The following HNRNPAB variants were observed in gnomAD, a reference collection of about 807,000 sequenced individuals.
HNRNPAB encodes the protein heterogeneous nuclear ribonucleoprotein A/B, also known as ABBP-1.
HNRNPAB carries 17 observed loss-of-function variants against 44.1 expected under a neutral mutation model. That is an observed-to-expected ratio of 0.39 (90% CI 0.26 to 0.58). The LOEUF (loss-of-function observed/expected upper bound fraction) is 0.58. Among genes scored for constraint, HNRNPAB ranks in the 20% least tolerant of loss-of-function variants. The pLI is 0.63. For missense variants in HNRNPAB, 393 were observed against 432.7 expected, an observed-to-expected ratio of 0.91 and a Z score of 0.81; for synonymous variants, 183 against 167.6, an observed-to-expected ratio of 1.09 and a Z score of -0.71.
intron 6 of HNRNPAB, 65 bp downstream of exon 6, chr5:178,209,512 C>T: frequency 2.9e-6 from 4 of 1,388,044 alleles, no homozygotes; most frequent in South Asian, 1.2e-5. Flanking sequence ...CCAAGCCTGT[C>T]TTGGGGCTCC....
At position 178,204,626 on chromosome 5, in the gene HNRNPAB, T is replaced by C. The variant is rs1202804479; in HGVS notation, c.-138T>C. On this transcript the variant is annotated 5_prime_UTR_variant, in exon 1 of 8. Coordinates refer to ENST00000358344, the MANE Select transcript of HNRNPAB (RefSeq NM_031266.3). ...GAGGAGGAGACACAGTTGGAGCAGC[T>C]CCGTGGGCTGACTGGGGCGAGGCCT... 1 of 283,522 alleles carries C rather than the reference T, an allele frequency of 3.5e-6. No individual in the cohort carries two copies. The highest frequency in any genetic ancestry group is 6.5e-6 in the Non-Finnish European group (1 of 153,798). 17.6% of individuals were successfully genotyped at this position (283,522 alleles called of 1,614,324 possible).
intron 5 of HNRNPAB, among the ~76,000 whole-genome samples, chr5:178,207,761 A>G (rs573864395): frequency 2.3e-3 from 317 of 140,548 alleles, no homozygotes; most frequent in Non-Finnish European, 4.0e-3. Flanking sequence ...GGGGTGCGGT[A>G]ACACAATCAT....
In HNRNPAB at chr5:178,204,863, C is replaced by A. The variant is rs1756979218; in HGVS notation, c.26C>A (p.Pro9His). ...ATGTCGGAAGCGGGCGAGGAGCAGC[C>A]CATGGAGACGACGGGCGCCACCGAG... MSEAGEEQ[P>H]METTGATENG... Residue 9 changes from proline (P) to histidine (H), a missense_variant, in exon 2 of 8, where the codon CCC (proline) becomes CAC (histidine). By Grantham distance (77) the Pro-to-His change is moderately conservative. Transcript: ENST00000358344. 8.6e-7 allele frequency: 1 copy of A among 1,163,214 alleles called. No homozygotes were observed. Among genetic ancestry groups the A allele is most frequent in the Non-Finnish European group, 1.0e-6 (1 of 954,744 alleles). The allele number at this position is 1,163,214 out of a possible 1,614,324, so 72.1% of individuals were successfully genotyped here.
intron 5 of HNRNPAB, 77 bp downstream of exon 5, chr5:178,207,302 G>GC: frequency 6.4e-7 from 1 of 1,550,782 alleles, no homozygotes. Context: ...TAGGGGTTGG[G>GC]CCTCATGCAG....
intron 4 of HNRNPAB, 35 bp from the exon 5 acceptor site, chr5:178,207,059 G>T: frequency 1.9e-6 from 3 of 1,612,500 alleles, no homozygotes; most frequent in Non-Finnish European, 1.7e-6. Context: ...GGGGTAGGGA[G>T]GTATTGGGCC....
At chr5:178,207,060 G>A (rs1757096440) in intron 4 of HNRNPAB, 34 bp from the exon 5 acceptor site, 2 of 1,612,774 alleles carry the variant, frequency 1.2e-6, no homozygotes, top group South Asian at 1.1e-5. Context: ...GGGTAGGGAG[G>A]TATTGGGCCT....
intron 2 of HNRNPAB, among the ~76,000 whole-genome samples, chr5:178,205,326 C>T (rs929479557): frequency 7.9e-5 from 12 of 151,602 alleles, no homozygotes; most frequent in African/African-American, 2.9e-4. Flanking sequence ...GCGGATGGCC[C>T]GGAAGAGGGA....
chr5:178,205,182 G>C (rs867968907), intron 2 of HNRNPAB, 136 bp downstream of exon 2: 6 of 543,606 alleles, frequency 1.1e-5, no homozygotes, highest in East Asian at 1.0e-4. Context: ...TCGCCGCTGC[G>C]TTCGCGGGCC....
intron 7 of HNRNPAB, 44 bp downstream of exon 7, chr5:178,210,316 C>A: frequency 6.2e-7 from 1 of 1,612,994 alleles, no homozygotes; most frequent in South Asian, 1.1e-5. Context: ...CCCCTCGTCC[C>A]CAGGGGAGGC....
chr5:178,207,087 T>C lies in HNRNPAB; in HGVS notation c.538-7T>C. The C allele has an allele frequency of 6.2e-7, 1 of 1,613,860 alleles. No individual in the cohort carries two copies. The highest frequency in any genetic ancestry group is 2.2e-5 in the East Asian group (1 of 44,894). Reference sequence around the variant, plus strand: ...ATTGGGCCTGAGTTTGCCTATGCTTTTTGCAGATTGAGGCCATTGAATTGC... The same window carrying C: ...ATTGGGCCTGAGTTTGCCTATGCTTCTTGCAGATTGAGGCCATTGAATTGC... On this transcript the variant is annotated splice_region_variant and splice_polypyrimidine_tract_variant and intron_variant, in intron 4 of 7. Transcript: ENST00000358344.
In HNRNPAB at chr5:178,205,875, T is replaced by C. The variant is rs372171620; in HGVS notation, c.243T>C (p.Thr81=). 2 of 1,614,060 alleles carry C rather than the reference T, an allele frequency of 1.2e-6. No homozygotes were observed. The highest frequency in any genetic ancestry group is 1.1e-5 in the South Asian group (1 of 91,078). ...KMFVGGLSWD[T]SKKDLKDYFT... The stretch of plus-strand genomic sequence containing the variant: ...TCGTTGGTGGCCTGAGCTGGGATAC[T>C]AGCAAAAAAGATTTAAAAGACTATT... The change falls in exon 3 of 8, where the codon ACT becomes ACC. Residue 81 remains threonine (T), a synonymous_variant. Transcript: ENST00000358344.
At chr5:178,209,065 T>A (rs1400247025) in intron 5 of HNRNPAB, 2 of 416,104 alleles carry the variant, frequency 4.8e-6, no homozygotes, top group Non-Finnish European at 8.9e-6. Context: ...CCCAGTTGCC[T>A]GCCTCCATTA....
In HNRNPAB at chr5:178,209,385, C is replaced by T. The variant is rs773387990; in HGVS notation, c.725C>T (p.Ser242Phe). 19 of 1,614,168 alleles carry T rather than the reference C, an allele frequency of 1.2e-5. No homozygotes were observed. Among genetic ancestry groups the T allele is most frequent in the Non-Finnish European group, 1.6e-5 (19 of 1,180,038 alleles). The change falls in exon 6 of 8, where the codon TCT becomes TTT. Residue 242 changes from serine to phenylalanine, a missense_variant. Coordinates refer to ENST00000358344, the MANE Select transcript of HNRNPAB (RefSeq NM_031266.3). ...GTCTATCAGCAGCAGCAGTATGGCT[C>T]TGGGGGCCGTGGAAACCGCAACCGA... ...KEVYQQQQYG[S>F]GGRGNRNRGN...
chr5:178,207,319 T>C, intron 5 of HNRNPAB, 94 bp downstream of exon 5: 2 of 1,466,742 alleles, frequency 1.4e-6, no homozygotes, highest in Non-Finnish European at 1.9e-6. Flanking sequence ...GCAGGAGCTC[T>C]CCAGGTTGGT....
intron 6 of HNRNPAB, among the ~76,000 whole-genome samples, chr5:178,209,858 T>C (rs1037857866): frequency 3.3e-5 from 5 of 152,152 alleles, no homozygotes. Context: ...AAGGCTAAGC[T>C]GCCAAGGAGA....
At chr5:178,207,691 CTTTTTTTTTTTTTTT>C (rs34424574) in intron 5 of HNRNPAB, among the ~76,000 whole-genome samples, 2 of 78,776 alleles carry the variant, frequency 2.5e-5, no homozygotes, top group Non-Finnish European at 4.5e-5. Context: ...ACTTTGAGCA[CTTTTTTTTTTTTTTT>C]TTTTTTTTTG....
rs370707939 is a variant in HNRNPAB at position 178,204,563 on chromosome 5, G to T, written c.-201G>T. 2.5e-4 allele frequency: 57 copies of T among 229,498 alleles called. No homozygotes were observed. The East Asian group carries it at 4.3e-3, about 17-fold the overall frequency. 14.2% of individuals were successfully genotyped at this position (229,498 alleles called of 1,614,324 possible). On this transcript the variant is annotated 5_prime_UTR_variant, in exon 1 of 8. Coordinates refer to ENST00000358344, the MANE Select transcript of HNRNPAB (RefSeq NM_031266.3). Reference sequence around the variant, plus strand: ...GCGGCACCGCGCGGGACGGAGCTTGGCTGTTGGTCGGTGGGTTCCCGTGCG... The same window carrying T: ...GCGGCACCGCGCGGGACGGAGCTTGTCTGTTGGTCGGTGGGTTCCCGTGCG...
In HNRNPAB at chr5:178,205,013, A is replaced by G. The variant is rs897982661; in HGVS notation, c.176A>G (p.Gln59Arg). Residue 59 changes from glutamine (Q) to arginine (R), a missense_variant, in exon 2 of 8, where the codon CAG (glutamine) becomes CGG (arginine). Physicochemically the swap from Gln to Arg is conservative, Grantham distance 43. Coordinates refer to ENST00000358344, the MANE Select transcript of HNRNPAB (RefSeq NM_031266.3). The part of the protein sequence containing the change: ...SGNQNGAEGD[Q>R]INASKNEEDA... ...AATCAGAACGGCGCCGAGGGCGACC[A>G]GATCAACGCCAGCAAGAACGAGGAG... 53 of 1,208,664 alleles carry G rather than the reference A, an allele frequency of 4.4e-5. No individual in the cohort carries two copies. Among genetic ancestry groups the G allele is most frequent in the Admixed American group, 1.8e-4 (4 of 22,780 alleles). 74.9% of individuals were successfully genotyped at this position (1,208,664 alleles called of 1,614,324 possible).
rs1189644327 is a variant in HNRNPAB, at chr5:178,210,601, A to T, written c.977A>T (p.Gln326Leu). ...YGKSQRRGGH[Q>L]NNYKPY ...AAGAGCCAGCGACGTGGTGGCCATCAGAATAACTACAAGCCATACTGAGGC... is the reference window on the plus strand; with the variant it reads ...AAGAGCCAGCGACGTGGTGGCCATCTGAATAACTACAAGCCATACTGAGGC... The change falls in exon 8 of 8, where the codon CAG (glutamine) becomes CTG (leucine). Residue 326 changes from glutamine (Q) to leucine (L), a missense_variant. Transcript: ENST00000358344. 5.6e-6 allele frequency: 9 copies of T among 1,614,004 alleles called. No homozygotes were observed. In the African/African-American group the frequency reaches 1.2e-4, roughly 22 times the overall value.
Sources: gnomAD v4.1 joint callset for allele counts (sites outside exome capture counted in the v4.1 genomes callset) on GRCh38, gnomAD v4.1.1 for gene constraint, MANE v1.5 for transcripts, NCBI Gene and HGNC (gene_info 2026-07-23, HGNC 2026-07-21) for gene names.